The following SORCS3 variants were observed in gnomAD, a reference collection of about 807,000 sequenced individuals.
The protein encoded by SORCS3 is VPS10 domain-containing receptor SorCS3.
In SORCS3, 57 loss-of-function variants were observed where a neutral mutation model predicts 146.3. The observed-to-expected ratio is 0.39, with a 90% confidence interval of 0.31 to 0.49. SORCS3 has a LOEUF of 0.49. Ranked by LOEUF, SORCS3 falls within the 20% of genes least tolerant of loss-of-function variation. The pLI is 0.92. For synonymous variants in SORCS3, 653 were observed against 618.5 expected (o/e 1.06, Z -0.83); for missense variants, 1,341 against 1,575.5 (o/e 0.85, Z 2.52).
At chr10:104,846,320 A>C (rs2018203739) in intron 2 of SORCS3, among the ~76,000 whole-genome samples, 1 of 152,126 alleles carries the variant, frequency 6.6e-6, no homozygotes, top group Non-Finnish European at 1.5e-5. Context: ...ACTGATAATG[A>C]TGTATTTTAT....
At chr10:104,881,111 A>G (rs1350629939) in intron 2 of SORCS3, among the ~76,000 whole-genome samples, 1 of 152,226 alleles carries the variant, frequency 6.6e-6, no homozygotes, top group Non-Finnish European at 1.5e-5. Flanking sequence ...AACATCAGGA[A>G]ACCCATATTT....
chr10:104,788,512 G>A (rs1424655950), intron 1 of SORCS3, among the ~76,000 whole-genome samples: 1 of 152,178 alleles, frequency 6.6e-6, no homozygotes, highest in Non-Finnish European at 1.5e-5. Flanking sequence ...TGATCTCTGG[G>A]AGAGTTCATA....
intron 1 of SORCS3, among the ~76,000 whole-genome samples, chr10:104,828,473 A>C (rs1211048531): frequency 6.6e-6 from 1 of 152,156 alleles, no homozygotes; most frequent in East Asian, 1.9e-4. Flanking sequence ...TGCCCAAAAA[A>C]CAATTACAAA....
In SORCS3 at chr10:105,050,994, A is replaced by G. The variant is rs57151800; in HGVS notation, c.1028+7866A>G. ...TTCCTGACACCTATGCCCAGACTCT[A>G]TGGGATTTGACAGTTGATCAGCAAA... On this transcript the variant is annotated intron_variant, in intron 5 of 26. Coordinates refer to ENST00000369701, the MANE Select transcript of SORCS3 (RefSeq NM_014978.3). 6.8e-3 allele frequency among the ~76,000 whole-genome samples: 1,030 copies of G among 152,256 alleles called. 21 individuals are homozygous for G. Among genetic ancestry groups the G allele is most frequent in the South Asian group, 0.025 (121 of 4,826 alleles).
chr10:105,092,252 A>G (rs2055715542), intron 6 of SORCS3, among the ~76,000 whole-genome samples: 1 of 152,256 alleles, frequency 6.6e-6, no homozygotes, highest in African/African-American at 2.4e-5. Flanking sequence ...TATTGCCAGA[A>G]TTCAATAATT....
chr10:104,700,660 G>A lies in SORCS3; in HGVS notation c.627+58706G>A, dbSNP rs377062545. ...GAAGGGACATGGGCCAGACTAAAGT[G>A]GGGGTGGGTAGGGAGGGAGAGATCA... On this transcript the variant is annotated intron_variant, in intron 1 of 26. Coordinates refer to ENST00000369701, the MANE Select transcript of SORCS3 (RefSeq NM_014978.3). Among the ~76,000 whole-genome samples, 3 of 152,230 alleles carry A rather than the reference G, an allele frequency of 2.0e-5. No homozygotes were observed. The South Asian group carries it at 6.2e-4, about 32-fold the overall frequency.
chr10:104,979,857 T>G (rs1374610794), intron 4 of SORCS3, among the ~76,000 whole-genome samples: 1 of 152,140 alleles, frequency 6.6e-6, no homozygotes, highest in Non-Finnish European at 1.5e-5. Flanking sequence ...AAAAAGTAAA[T>G]TATTCAGATG....
At chr10:105,235,300 T>C (rs984092623) in intron 20 of SORCS3, among the ~76,000 whole-genome samples, 1 of 152,030 alleles carries the variant, frequency 6.6e-6, no homozygotes, top group Non-Finnish European at 1.5e-5. Flanking sequence ...GAATAATTAT[T>C]TTCCCCCTCC....
intron 2 of SORCS3, among the ~76,000 whole-genome samples, chr10:104,886,080 A>G (rs2018681312): frequency 6.6e-6 from 1 of 152,146 alleles, no homozygotes; most frequent in Non-Finnish European, 1.5e-5. Flanking sequence ...GCTAATAGAT[A>G]GCAGCTGCAG....
At chr10:105,250,279 TG>T (rs1398792851) in intron 22 of SORCS3, among the ~76,000 whole-genome samples, 1 of 151,608 alleles carries the variant, frequency 6.6e-6, no homozygotes, top group South Asian at 2.1e-4. Context: ...TGAATGGGGG[TG>T]GGGGGTGCAA....
chr10:105,110,107 G>C (rs1589637446), intron 7 of SORCS3, among the ~76,000 whole-genome samples: 3 of 151,760 alleles, frequency 2.0e-5, no homozygotes, highest in Admixed American at 6.6e-5. Flanking sequence ...AGGAAAATGA[G>C]ATTAAAAACA....
At chr10:104,864,612 T>C (rs2018440950) in intron 2 of SORCS3, among the ~76,000 whole-genome samples, 1 of 152,170 alleles carries the variant, frequency 6.6e-6, no homozygotes, top group South Asian at 2.1e-4. Context: ...GGAGTGCTGG[T>C]CCAGTTGGGT....
At chr10:105,196,524 G>A (rs185544224) in intron 14 of SORCS3, among the ~76,000 whole-genome samples, 61 of 152,276 alleles carry the variant, frequency 4.0e-4, no homozygotes, top group African/African-American at 1.3e-3. Context: ...AGAATTGCTC[G>A]GACCAGGGAG....
chr10:104,745,664 G>A (rs533684841), intron 1 of SORCS3, among the ~76,000 whole-genome samples: 110 of 152,222 alleles, frequency 7.2e-4, no homozygotes, highest in African/African-American at 2.5e-3. Context: ...ACTATGCTGC[G>A]CTGTCCATCT....
At chr10:105,116,476 C>A (rs1211653680) in intron 7 of SORCS3, among the ~76,000 whole-genome samples, 1 of 152,160 alleles carries the variant, frequency 6.6e-6, no homozygotes, top group Non-Finnish European at 1.5e-5. Context: ...AGCAGTTTGG[C>A]AATTTCTCAA....
At chr10:104,875,067 C>G (rs1353027368) in intron 2 of SORCS3, among the ~76,000 whole-genome samples, 1 of 152,128 alleles carries the variant, frequency 6.6e-6, no homozygotes, top group Non-Finnish European at 1.5e-5. Flanking sequence ...TTTCTCAACT[C>G]TTCCTTACTC....
At chr10:104,886,344 A>C (rs180911804) in intron 2 of SORCS3, among the ~76,000 whole-genome samples, 1 of 152,140 alleles carries the variant, frequency 6.6e-6, no homozygotes, top group African/African-American at 2.4e-5. Flanking sequence ...TCTTTACAGT[A>C]TTCCTGAAAA....
chr10:104,865,903 C>T (rs79427240), intron 2 of SORCS3, among the ~76,000 whole-genome samples: 13,519 of 152,256 alleles, frequency 0.089, 780 homozygotes, highest in South Asian at 0.27. Context: ...GTTTGCAGTA[C>T]TCTGTCCTTG....
At chr10:104,968,652 T>C (rs1237552469) in intron 3 of SORCS3, among the ~76,000 whole-genome samples, 1 of 152,242 alleles carries the variant, frequency 6.6e-6, no homozygotes, top group Non-Finnish European at 1.5e-5. Context: ...ATCTCTGTCC[T>C]GTTCGTATTG....
Sources: gnomAD v4.1 joint callset for allele counts (sites outside exome capture counted in the v4.1 genomes callset) on GRCh38, gnomAD v4.1.1 for gene constraint, MANE v1.5 for transcripts, NCBI Gene and HGNC (gene_info 2026-07-23, HGNC 2026-07-21) for gene names.